PC: variants seen among roughly 807,000 people sequenced by gnomAD.
The protein encoded by PC is pyruvate carboxylase, mitochondrial.
A neutral mutation model predicts 107.8 loss-of-function variants in PC; 46 were observed. That is an observed-to-expected ratio of 0.43 (90% CI 0.34 to 0.55). The LOEUF (loss-of-function observed/expected upper bound fraction) is 0.55. Among genes scored for constraint, PC ranks in the 20% least tolerant of loss-of-function variants. The pLI, the probability that PC is intolerant of heterozygous loss-of-function variation, is 0.04. For synonymous variants in PC, 662 were observed against 684.7 expected (o/e 0.97, Z 0.52); for missense variants, 1,241 against 1,643.1 (o/e 0.76, Z 4.23).
intron 11 of PC, among the ~76,000 whole-genome samples, chr11:66,864,777 C>T (rs988351354): frequency 6.6e-6 from 1 of 152,208 alleles, no homozygotes; most frequent in East Asian, 1.9e-4. Flanking sequence ...GTGGCTCGTG[C>T]CGCCTGCACC....
chr11:66,872,722 A>G (rs1946789455), intron 3 of PC, among the ~76,000 whole-genome samples: 1 of 151,892 alleles, frequency 6.6e-6, no homozygotes, highest in South Asian at 2.1e-4. Flanking sequence ...GCGACAGGGC[A>G]AGACTCCGTC....
chr11:66,946,148 C>CT (rs1410435284), intron 3 of PC, among the ~76,000 whole-genome samples: 1 of 150,054 alleles, frequency 6.7e-6, no homozygotes, highest in Non-Finnish European at 1.5e-5. Flanking sequence ...TTTATGTACT[C>CT]TAAGAGAATA....
intron 1 of PC, among the ~76,000 whole-genome samples, chr11:66,955,536 G>A (rs1035162871): frequency 6.6e-6 from 1 of 152,162 alleles, no homozygotes; most frequent in South Asian, 2.1e-4. Flanking sequence ...ACACATGAGG[G>A]TACATTGGGG....
rs1175402409 is a variant in PC, at chr11:66,903,752, GAAAAAAAAA to G, written c.1-31602_1-31594del. On this transcript the variant is annotated intron_variant, in intron 3 of 22. Transcript: ENST00000393960. Reference sequence around the variant, plus strand: ...AACAGAGTGAGAGACTCCATCTCAGGAAAAAAAAAAAAAAAAAAAAAATATATATATATA... The same window carrying G: ...AACAGAGTGAGAGACTCCATCTCAGGAAAAAAAAAAAAATATATATATATA... 2.1e-3 allele frequency among the ~76,000 whole-genome samples: 160 copies of G among 76,200 alleles called. 4 individuals carry two copies. Among genetic ancestry groups the G allele is most frequent in the African/African-American group, 0.011 (152 of 13,622 alleles). The allele number at this position is 76,200 out of a possible 152,430, so 50.0% of individuals were successfully genotyped here.
rs1460451810 is a variant in PC, at chr11:66,848,433, A to C, written c.*466T>G. 1 of 521,778 alleles carries C rather than the reference A, an allele frequency of 1.9e-6. No homozygotes were observed. The highest frequency in any genetic ancestry group is 3.3e-6 in the Non-Finnish European group (1 of 298,532). 32.3% of individuals were successfully genotyped at this position (521,778 alleles called of 1,614,324 possible). A position where few individuals can be genotyped will look rare whatever the true frequency, so the allele number is the denominator to read the frequency against. On this transcript the variant is annotated 3_prime_UTR_variant, in exon 23 of 23. Transcript: ENST00000393960. ...CTCACTACCCTCTGAGGAGAACGAC[A>C]CAACTGACCTGCCCACCCATGGGGA...
intron 3 of PC, among the ~76,000 whole-genome samples, chr11:66,932,690 A>G (rs979469733): frequency 1.3e-5 from 2 of 152,222 alleles, no homozygotes; most frequent in Non-Finnish European, 2.9e-5. Flanking sequence ...GAAGCTAGCC[A>G]TCGGGGAAAG....
chr11:66,864,561 G>C (rs979699334), intron 11 of PC, among the ~76,000 whole-genome samples: 7 of 152,230 alleles, frequency 4.6e-5, no homozygotes, highest in Non-Finnish European at 8.8e-5. Context: ...CCTTCCAGAA[G>C]GGAGGATGGG....
Position 66,863,902 on chromosome 11 carries a change from G to A in PC, c.1240C>T (p.Gln414Ter). 6.2e-7 allele frequency: 1 copy of A among 1,614,116 alleles called. No individual in the cohort carries two copies. Among genetic ancestry groups the A allele is most frequent in the Non-Finnish European group, 8.5e-7 (1 of 1,180,044 alleles). Residue 414 changes from glutamine (Q) to a stop codon, truncating the protein, a stop_gained, in exon 12 of 23, where the codon CAA (glutamine) becomes TAA (stop). Transcript: ENST00000393960. LOFTEE classifies it high-confidence loss of function. ...GIRLDNASAF[Q>*]GAVISPHYDS... ...TAGTGGGGCGAGATGACGGCTCCTT[G>A]GAAGGCGGAAGCATTATCCAGGCGG...
intron 3 of PC, among the ~76,000 whole-genome samples, chr11:66,901,555 C>T (rs1947957332): frequency 6.6e-6 from 1 of 152,190 alleles, no homozygotes; most frequent in South Asian, 2.1e-4. Context: ...CTGCAACCTC[C>T]ACCTCCCTGG....
intron 12 of PC, chr11:66,860,486 C>G: frequency 1.4e-6 from 1 of 702,822 alleles, no homozygotes; most frequent in Non-Finnish European, 2.6e-6. Flanking sequence ...GTGCTAGTCT[C>G]TGGTGTTGTC....
chr11:66,904,279 T>C (rs1402857737), intron 3 of PC, among the ~76,000 whole-genome samples: 1 of 152,068 alleles, frequency 6.6e-6, no homozygotes, highest in East Asian at 1.9e-4. Flanking sequence ...TTCTGGTTCA[T>C]GGCCCCAGAG....
intron 3 of PC, chr11:66,919,818 G>C (rs935473469): frequency 6.6e-6 from 1 of 152,092 alleles, no homozygotes; most frequent in Non-Finnish European, 1.5e-5. Context: ...TTGCCAGAAA[G>C]CCCCATTAAA....
chr11:66,951,564 T>C (rs541927234), intron 3 of PC, among the ~76,000 whole-genome samples: 1 of 152,248 alleles, frequency 6.6e-6, no homozygotes, highest in South Asian at 2.1e-4. Context: ...GAGACCAGCC[T>C]GACCAACATG....
At chr11:66,935,941 T>C (rs1241656604) in intron 3 of PC, among the ~76,000 whole-genome samples, 1 of 151,960 alleles carries the variant, frequency 6.6e-6, no homozygotes, top group Non-Finnish European at 1.5e-5. Flanking sequence ...TAGCCAGGCA[T>C]GGTGGCACAT....
Position 66,870,316 on chromosome 11 carries a change from TCA to T in PC, c.887_888del (p.Val296GlufsTer4). ...CCACCCTTCACCTGTTTAGCGAGTT[TCA>T]CAGAGTCGCTGGTGAGCCGAGTCCG... ...QLRTRLTSDSVKLAKQVGYEN... is the reference protein window; with the variant it reads ...QLRTRLTSDSXKLAKQVGYEN... On this transcript the variant is annotated frameshift_variant, in exon 9 of 23. Coordinates refer to ENST00000393960, the MANE Select transcript of PC (RefSeq NM_001040716.2). LOFTEE classifies it high-confidence loss of function. The surrounding 1 kb of genome is among the most constrained non-coding windows in gnomAD (Gnocchi z 6.1). 6.2e-7 allele frequency: 1 copy of T among 1,613,340 alleles called. No individual in the cohort carries two copies. Among genetic ancestry groups the T allele is most frequent in the Non-Finnish European group, 8.5e-7 (1 of 1,179,978 alleles).
At position 66,851,033 on chromosome 11, in the gene PC, C is replaced by A. The variant is rs1945459031; in HGVS notation, c.2223+7G>T. ...GAGAGGGAGGGACGGACAAGTGGCC[C>A]AGGCACCTTGATGCACAGGATGTGG... is the stretch of plus-strand genomic sequence containing the variant. On this transcript the variant is annotated splice_region_variant and intron_variant, in intron 17 of 22. Transcript: ENST00000393960. The A allele has an allele frequency of 6.2e-7, 1 of 1,612,568 alleles. No homozygotes were observed. Among genetic ancestry groups the A allele is most frequent in the Non-Finnish European group, 8.5e-7 (1 of 1,179,946 alleles).
At chr11:66,873,424 TTA>T (rs1204430997) in intron 3 of PC, among the ~76,000 whole-genome samples, 31 of 84,154 alleles carry the variant, frequency 3.7e-4, no homozygotes, top group African/African-American at 1.2e-3. Context: ...ATATAATATA[TTA>T]TATATATTAT....
chr11:66,853,467 C>T, intron 12 of PC, 84 bp from the exon 13 acceptor site: 2 of 1,518,524 alleles, frequency 1.3e-6, no homozygotes, highest in African/African-American at 2.7e-5. Context: ...AGAGAAAAGG[C>T]TGAAGATGCT....
chr11:66,903,752 G>GAA (rs1175402409), intron 3 of PC, among the ~76,000 whole-genome samples: 1,096 of 76,120 alleles, frequency 0.014, 79 homozygotes, highest in African/African-American at 0.068. Context: ...TCCATCTCAG[G>GAA]AAAAAAAAAA....
Sources: gnomAD v4.1 joint callset for allele counts (sites outside exome capture counted in the v4.1 genomes callset) on GRCh38, gnomAD v4.1.1 for gene constraint, Gnocchi (gnomAD v3.1) non-coding constraint, MANE v1.5 for transcripts, NCBI Gene and HGNC (gene_info 2026-07-23, HGNC 2026-07-21) for gene names.